The following CSMD1 variants were observed in gnomAD, a reference collection of about 807,000 sequenced individuals.
The protein encoded by CSMD1 is CUB and Sushi multiple domains 1.
A neutral mutation model predicts 417.5 loss-of-function variants in CSMD1; 213 were observed. The observed-to-expected ratio is 0.51, with a 90% CI of 0.46 to 0.57. CSMD1 has a LOEUF of 0.57. CSMD1 is among the 20% of genes least tolerant of loss of function. CSMD1 has a pLI of 0.00. For synonymous variants in CSMD1, 2,862 were observed against 1,736.8 expected (o/e 1.65, Z -16.11); for missense variants, 6,923 against 4,529.7 (o/e 1.53, Z -15.17).
chr8:3,241,104 A>G (rs1327302286), intron 26 of CSMD1, among the ~76,000 whole-genome samples: 3 of 151,168 alleles, frequency 2.0e-5, no homozygotes, highest in African/African-American at 7.3e-5. Flanking sequence ...GAGGCTTTGG[A>G]TTGGGAAGAA....
intron 1 of CSMD1, among the ~76,000 whole-genome samples, chr8:4,772,855 A>T (rs1349220555): frequency 6.6e-6 from 1 of 152,210 alleles, no homozygotes; most frequent in African/African-American, 2.4e-5. Flanking sequence ...CTTCTGAATC[A>T]TTCCATGAAA....
chr8:4,291,341 T>G (rs190172291), intron 3 of CSMD1, among the ~76,000 whole-genome samples: 2 of 152,132 alleles, frequency 1.3e-5, no homozygotes, highest in African/African-American at 4.8e-5. Flanking sequence ...TTCCTTTAAA[T>G]TGATAAATTA....
intron 4 of CSMD1, among the ~76,000 whole-genome samples, chr8:4,023,910 C>G (rs1285018179): frequency 1.3e-5 from 2 of 151,514 alleles, no homozygotes; most frequent in Non-Finnish European, 2.9e-5. Flanking sequence ...AGCCACAGCA[C>G]CCGACCACTG....
Position 4,446,719 on chromosome 8 carries a change from G to T in CSMD1, c.303-26654C>A, listed in dbSNP as rs74534492. 5.1e-3 allele frequency among the ~76,000 whole-genome samples: 737 copies of T among 144,348 alleles called. 6 individuals are homozygous for T. The highest frequency in any genetic ancestry group is 0.018 in the African/African-American group (704 of 38,516). 94.7% of individuals were successfully genotyped at this position (144,348 alleles called of 152,430 possible). A position where few individuals can be genotyped will look rare whatever the true frequency, so the allele number is the denominator to read the frequency against. On this transcript the variant is annotated intron_variant, in intron 2 of 69. Coordinates refer to ENST00000635120, the MANE Select transcript of CSMD1 (RefSeq NM_033225.6). ...TCGTGCCCACCACCATGCCTGAGTT[G>T]TGTGTGTGTGTGTCTGTGTGTGTGT...
intron 10 of CSMD1, among the ~76,000 whole-genome samples, chr8:3,549,401 G>T (rs1798814545): frequency 6.6e-6 from 1 of 152,202 alleles, no homozygotes; most frequent in Non-Finnish European, 1.5e-5. Context: ...CTGGCCTGAT[G>T]ATGGGAGGCT....
chr8:4,455,290 G>A (rs544791847), intron 2 of CSMD1, among the ~76,000 whole-genome samples: 1 of 152,124 alleles, frequency 6.6e-6, no homozygotes, highest in African/African-American at 2.4e-5. Context: ...CTTCATGATG[G>A]ATTCTTGCAT....
chr8:3,779,196 T>C (rs933988619), intron 5 of CSMD1, among the ~76,000 whole-genome samples: 1 of 150,170 alleles, frequency 6.7e-6, no homozygotes, highest in African/African-American at 2.5e-5. Context: ...TGTGCAGTAT[T>C]TGAGAGGGTG....
chr8:3,996,392 T>C (rs1270754565), intron 5 of CSMD1, among the ~76,000 whole-genome samples: 1 of 152,210 alleles, frequency 6.6e-6, no homozygotes, highest in African/African-American at 2.4e-5. Context: ...TATCTTTAAA[T>C]GATTAGTAGA....
chr8:4,488,382 C>T (rs968279260), intron 2 of CSMD1, among the ~76,000 whole-genome samples: 1 of 151,982 alleles, frequency 6.6e-6, no homozygotes, highest in Admixed American at 6.6e-5. Context: ...TTGTTTAATC[C>T]TCACAATAAC....
At chr8:3,915,763 T>C (rs551029241) in intron 5 of CSMD1, among the ~76,000 whole-genome samples, 9 of 150,010 alleles carry the variant, frequency 6.0e-5, no homozygotes, top group East Asian at 3.9e-4. Flanking sequence ...TCGCTTTCCA[T>C]TGCATCTGTT....
chr8:4,281,271 T>C (rs1047260349), intron 3 of CSMD1, among the ~76,000 whole-genome samples: 1 of 152,176 alleles, frequency 6.6e-6, no homozygotes, highest in African/African-American at 2.4e-5. Flanking sequence ...CTCGACAGCA[T>C]TATGGGAAAA....
chr8:3,902,275 G>A (rs1176408455), intron 5 of CSMD1, among the ~76,000 whole-genome samples: 1 of 152,104 alleles, frequency 6.6e-6, no homozygotes, highest in East Asian at 1.9e-4. Context: ...ATTAAGTCAT[G>A]CCCTCACCCA....
Position 2,998,159 on chromosome 8 carries a change from G to A in CSMD1, c.8229C>T (p.Asn2743=), listed in dbSNP as rs1033703113. The A allele has an allele frequency of 6.2e-7, 1 of 1,613,872 alleles. No individual in the cohort carries two copies. The highest frequency in any genetic ancestry group is 1.3e-5 in the African/African-American group (1 of 74,930). Residue 2743 remains asparagine, a synonymous_variant, in exon 54 of 70, where the codon AAC becomes AAT. Transcript: ENST00000635120. ...CVPITCGHPG[N]PAHGFTNGSE... Reference sequence around the variant, plus strand: ...TGCCATTAGTGAATCCGTGGGCAGGGTTTCCAGGGTGACCACATGTGATGG... The same window carrying A: ...TGCCATTAGTGAATCCGTGGGCAGGATTTCCAGGGTGACCACATGTGATGG...
intron 9 of CSMD1, among the ~76,000 whole-genome samples, chr8:3,584,744 A>G (rs1800525784): frequency 6.6e-6 from 1 of 152,228 alleles, no homozygotes; most frequent in Non-Finnish European, 1.5e-5. Context: ...TTTAAAAATA[A>G]TGAAGCCTAT....
chr8:4,294,192 A>G (rs1484271900), intron 3 of CSMD1, among the ~76,000 whole-genome samples: 1 of 152,146 alleles, frequency 6.6e-6, no homozygotes, highest in Non-Finnish European at 1.5e-5. Context: ...ACTACACCCC[A>G]ATTTCAGGGA....
intron 3 of CSMD1, among the ~76,000 whole-genome samples, chr8:4,254,736 G>C (rs1700096): frequency 1.3e-5 from 2 of 152,022 alleles, no homozygotes; most frequent in East Asian, 1.9e-4. Flanking sequence ...TGTATCTTCA[G>C]ATCTGCAAAG....
At chr8:3,341,075 A>G (rs934971425) in intron 23 of CSMD1, among the ~76,000 whole-genome samples, 8 of 152,226 alleles carry the variant, frequency 5.3e-5, no homozygotes, top group African/African-American at 1.9e-4. Flanking sequence ...AGTGAAGTGG[A>G]AGTGACCTCA....
chr8:4,508,654 G>A (rs1054919165), intron 2 of CSMD1, among the ~76,000 whole-genome samples: 3 of 151,990 alleles, frequency 2.0e-5, no homozygotes, highest in African/African-American at 7.2e-5. Context: ...CCCACCCTCT[G>A]AAAAAATAAT....
chr8:4,244,187 T>C (rs934056030), intron 3 of CSMD1, among the ~76,000 whole-genome samples: 1 of 152,168 alleles, frequency 6.6e-6, no homozygotes, highest in Non-Finnish European at 1.5e-5. Context: ...TAGAACCGTT[T>C]AGGCTTAGCT....
Sources: allele counts gnomAD v4.1 joint callset (sites outside exome capture counted in the v4.1 genomes callset), GRCh38; gene constraint gnomAD v4.1.1; transcripts MANE v1.5; gene names NCBI Gene and HGNC (gene_info 2026-07-23, HGNC 2026-07-21).